NEBL: variants seen among roughly 807,000 people sequenced by gnomAD.
NEBL encodes the protein LIM and SH3 protein 2.
In NEBL, 122 loss-of-function variants were observed where a neutral mutation model predicts 140.2. That is an observed-to-expected ratio of 0.87 (90% confidence interval 0.75 to 1.01). The LOEUF (loss-of-function observed/expected upper bound fraction) is 1.01, where lower values mean the gene tolerates loss of function less well. Among genes scored for constraint, NEBL ranks in the 50% least tolerant of loss-of-function variants. NEBL has a pLI of 0.00. For missense variants in NEBL, 1,365 were observed against 1,231.3 expected, an observed-to-expected ratio of 1.11 and a Z score of -1.62; for synonymous variants, 436 against 398.9, an observed-to-expected ratio of 1.09 and a Z score of -1.11.
At chr10:21,055,235 C>A (rs935991410) in intron 2 of NEBL, among the ~76,000 whole-genome samples, 2 of 152,200 alleles carry the variant, frequency 1.3e-5, no homozygotes, top group Non-Finnish European at 2.9e-5. Context: ...CCAAGCAAAT[C>A]TTTTAAAATC....
chr10:21,128,076 G>A (rs1478426139), intron 2 of NEBL, among the ~76,000 whole-genome samples: 1 of 152,108 alleles, frequency 6.6e-6, no homozygotes, highest in Non-Finnish European at 1.5e-5. Context: ...TAATGACTCG[G>A]TTGGGACTAG....
At chr10:21,051,630 A>G (rs1259498456) in intron 2 of NEBL, among the ~76,000 whole-genome samples, 2 of 152,194 alleles carry the variant, frequency 1.3e-5, no homozygotes, top group African/African-American at 4.8e-5. Context: ...GAAAACAAAT[A>G]ACAAAATGAA....
rs139212886 is a variant in NEBL, at chr10:20,996,194, T to C, written c.249+23923A>G. On this transcript the variant is annotated intron_variant, in intron 3 of 6. Transcript: ENST00000417816. ...AAAATCGGTTAATGTGCCACTACGATGTGATACGCTTTCAAGGTTCTCCCA... is the reference window on the plus strand; with the variant it reads ...AAAATCGGTTAATGTGCCACTACGACGTGATACGCTTTCAAGGTTCTCCCA... Among the ~76,000 whole-genome samples, 15 of 152,310 alleles carry C rather than the reference T, an allele frequency of 9.8e-5. No homozygotes were observed. The East Asian group carries it at 2.7e-3, about 27-fold the overall frequency.
At chr10:20,881,006 C>G in intron 4 of NEBL, 102 bp from the exon 5 acceptor site, 1 of 833,014 alleles carries the variant, frequency 1.2e-6, no homozygotes, top group Non-Finnish European at 2.0e-6. Flanking sequence ...AATACCACCA[C>G]TGATAGTTAA....
upstream of NEBL, chr10:21,174,719 G>T (rs922904774): frequency 6.6e-6 from 1 of 152,206 alleles, no homozygotes; most frequent in Admixed American, 6.5e-5. Flanking sequence ...GTTGCACCGC[G>T]CCCGCTCCCA....
rs1838059002 is a variant in NEBL at position 21,004,795 on chromosome 10, C to T, written c.249+15322G>A. On this transcript the variant is annotated intron_variant, in intron 3 of 6. Transcript: ENST00000417816. The stretch of plus-strand genomic sequence containing the variant: ...CCTGTCAGTGGGTCTGGGGCCAGGC[C>T]CATGAATGAGCATTCTCACCATATT... Among the ~76,000 whole-genome samples the T allele has an allele frequency of 2.0e-5, 3 of 152,148 alleles. No homozygotes were observed. In the South Asian group the frequency reaches 6.2e-4, roughly 32 times the overall value.
chr10:21,010,066 C>G (rs1293427025), intron 3 of NEBL, among the ~76,000 whole-genome samples: 1 of 151,908 alleles, frequency 6.6e-6, no homozygotes, highest in Non-Finnish European at 1.5e-5. Context: ...GTCCTCCTTT[C>G]AAAAAATACA....
intron 4 of NEBL, among the ~76,000 whole-genome samples, chr10:20,915,087 G>A (rs1848490103): frequency 6.7e-6 from 1 of 149,790 alleles, no homozygotes; most frequent in East Asian, 2.0e-4. Context: ...ACAGACATAA[G>A]CCACCATGCC....
At chr10:20,889,498 A>G (rs956270231) in intron 3 of NEBL, among the ~76,000 whole-genome samples, 3 of 152,162 alleles carry the variant, frequency 2.0e-5, no homozygotes, top group South Asian at 2.1e-4. Flanking sequence ...TCTCTGATAT[A>G]TCTATTAGGA....
At chr10:21,085,808 G>T (rs1198875360) in intron 2 of NEBL, among the ~76,000 whole-genome samples, 4 of 152,058 alleles carry the variant, frequency 2.6e-5, no homozygotes, top group African/African-American at 9.7e-5. Flanking sequence ...AGGACCTCAT[G>T]GCAACAGGAC....
intron 3 of NEBL, among the ~76,000 whole-genome samples, chr10:20,996,667 G>T (rs1034017036): frequency 5.9e-5 from 9 of 152,124 alleles, no homozygotes; most frequent in Admixed American, 1.3e-4. Flanking sequence ...TAGTTCTCAG[G>T]GGGCTAGACT....
At chr10:21,105,974 A>G (rs1837698059) in intron 2 of NEBL, among the ~76,000 whole-genome samples, 1 of 152,092 alleles carries the variant, frequency 6.6e-6, no homozygotes, top group Admixed American at 6.5e-5. Context: ...TGTTGGCTGC[A>G]TAAATGTCTT....
chr10:20,987,681 G>A (rs1452344911), intron 3 of NEBL, among the ~76,000 whole-genome samples: 4 of 152,238 alleles, frequency 2.6e-5, no homozygotes, highest in East Asian at 1.9e-4. Flanking sequence ...ATAGCAATGC[G>A]GGGCATTTTC....
chr10:21,243,245 C>T (rs1251786879), intron 3 of NEBL, among the ~76,000 whole-genome samples: 2 of 151,596 alleles, frequency 1.3e-5, no homozygotes, highest in African/African-American at 2.4e-5. Context: ...ACCCGCAGGA[C>T]CAAGCATGAC....
intron 2 of NEBL, among the ~76,000 whole-genome samples, chr10:21,124,819 G>C (rs1838743265): frequency 6.6e-6 from 1 of 152,180 alleles, no homozygotes; most frequent in African/African-American, 2.4e-5. Context: ...AAATTGGCCA[G>C]GCATGGTGCC....
chr10:20,994,393 T>C (rs1231488054), intron 3 of NEBL, among the ~76,000 whole-genome samples: 4 of 152,082 alleles, frequency 2.6e-5, no homozygotes, highest in Non-Finnish European at 5.9e-5. Flanking sequence ...CCAAAAAGAG[T>C]AATTGCGTCT....
intron 2 of NEBL, among the ~76,000 whole-genome samples, chr10:21,060,917 T>G (rs980149867): frequency 1.3e-5 from 2 of 151,944 alleles, no homozygotes; most frequent in African/African-American, 4.8e-5. Flanking sequence ...GCTTCTGGAG[T>G]GCCATGCTCC....
At chr10:21,231,470 A>G (rs1424787215) in intron 3 of NEBL, among the ~76,000 whole-genome samples, 1 of 151,940 alleles carries the variant, frequency 6.6e-6, no homozygotes, top group Admixed American at 6.6e-5. Flanking sequence ...AACTCGGGGG[A>G]GGAGGTTGCA....
intron 2 of NEBL, among the ~76,000 whole-genome samples, chr10:21,092,725 T>C (rs1836979251): frequency 6.6e-6 from 1 of 152,094 alleles, no homozygotes; most frequent in Middle Eastern, 3.2e-3. Flanking sequence ...TTTTTAACTC[T>C]TTTTCTATTT....
Sources: allele counts gnomAD v4.1 joint callset (sites outside exome capture counted in the v4.1 genomes callset), GRCh38; gene constraint gnomAD v4.1.1; transcripts MANE v1.5; gene names NCBI Gene and HGNC (gene_info 2026-07-23, HGNC 2026-07-21).